The following ACOT7 variants were observed in gnomAD, a reference collection of about 807,000 sequenced individuals.
ACOT7 encodes the protein cytosolic acyl coenzyme A thioester hydrolase.
A neutral mutation model predicts 40.2 loss-of-function variants in ACOT7; 12 were observed. That is an observed-to-expected ratio of 0.30 (90% CI 0.19 to 0.48). The LOEUF (loss-of-function observed/expected upper bound fraction) is 0.48. ACOT7 is among the 20% of genes least tolerant of loss of function. The pLI, the probability that ACOT7 is intolerant of heterozygous loss-of-function variation, is 0.99. For synonymous variants in ACOT7, 228 were observed against 219.5 expected (o/e 1.04, Z -0.34); for missense variants, 395 against 530.8 (o/e 0.74, Z 2.51).
intron 7 of ACOT7, among the ~76,000 whole-genome samples, chr1:6,291,847 C>T (rs1639673609): frequency 6.6e-6 from 1 of 152,202 alleles, no homozygotes; most frequent in Non-Finnish European, 1.5e-5. Flanking sequence ...TCACCCAGAA[C>T]CCAGAGCCAG....
intron 6 of ACOT7, among the ~76,000 whole-genome samples, chr1:6,315,072 G>C (rs902648231): frequency 6.6e-6 from 1 of 152,204 alleles, no homozygotes; most frequent in Non-Finnish European, 1.5e-5. Context: ...TCTGGTGGGA[G>C]CACTGCGTTC....
chr1:6,386,676 T>G (rs1282968563), intron 1 of ACOT7, among the ~76,000 whole-genome samples: 6 of 152,100 alleles, frequency 3.9e-5, no homozygotes. Flanking sequence ...GGCAACAAAG[T>G]GAGATCATGT....
At chr1:6,279,648 A>G (rs1438122626) in intron 8 of ACOT7, among the ~76,000 whole-genome samples, 1 of 152,122 alleles carries the variant, frequency 6.6e-6, no homozygotes. Context: ...GTCCAGGTTC[A>G]CCATCAGCTC....
chr1:6,332,778 G>A (rs914153559), intron 4 of ACOT7, among the ~76,000 whole-genome samples: 2 of 151,610 alleles, frequency 1.3e-5, no homozygotes, highest in African/African-American at 4.8e-5. Flanking sequence ...CCGAGATCGC[G>A]CCACTGCACT....
intron 3 of ACOT7, among the ~76,000 whole-genome samples, 156 bp downstream of exon 3, chr1:6,339,277 G>A (rs1334971917): frequency 6.6e-6 from 1 of 152,244 alleles, no homozygotes; most frequent in East Asian, 1.9e-4. Flanking sequence ...TCAGGGCAAT[G>A]GACATAGCTG....
At chr1:6,284,621 A>G (rs929065891) in intron 7 of ACOT7, among the ~76,000 whole-genome samples, 14 of 150,714 alleles carry the variant, frequency 9.3e-5, no homozygotes, top group African/African-American at 3.4e-4. Flanking sequence ...TTCCAGCTAC[A>G]GGCACTTTGT....
At chr1:6,324,058 C>T (rs1640733335) in intron 5 of ACOT7, among the ~76,000 whole-genome samples, 1 of 152,018 alleles carries the variant, frequency 6.6e-6, no homozygotes, top group Non-Finnish European at 1.5e-5. Flanking sequence ...CACTCTTCTC[C>T]CAGAGCTGCT....
rs765428602 is a variant in ACOT7, at chr1:6,289,391, C to A, written c.829+5473G>T. 6.6e-6 allele frequency among the ~76,000 whole-genome samples: 1 copy of A among 151,714 alleles called. No homozygotes were observed. Among genetic ancestry groups the A allele is most frequent in the South Asian group, 2.1e-4 (1 of 4,818 alleles). On this transcript the variant is annotated intron_variant, in intron 7 of 8. Transcript: ENST00000361521. This position sits in a 1 kb window ranked among gnomAD's most constrained non-coding sequence, Gnocchi z 4.6. ...CTGGGATTACAGGAGTGAGCCACCACGCCCAGCCTGTTTTTGTTTTTTAAA... is the reference window on the plus strand; with the variant it reads ...CTGGGATTACAGGAGTGAGCCACCAAGCCCAGCCTGTTTTTGTTTTTTAAA...
chr1:6,300,488 C>G (rs905237025), intron 6 of ACOT7, among the ~76,000 whole-genome samples: 2 of 151,724 alleles, frequency 1.3e-5, no homozygotes, highest in African/African-American at 2.4e-5. Context: ...GGAATCTCAC[C>G]GGACCCCACC....
At chr1:6,356,393 TCAGCACCCTCAGCCCTGCC>T (rs1406013752) in intron 1 of ACOT7, among the ~76,000 whole-genome samples, 4 of 151,922 alleles carry the variant, frequency 2.6e-5, no homozygotes, top group Admixed American at 2.0e-4. Flanking sequence ...GGCAGCACCC[TCAGCACCCTCAGCCCTGCC>T]CAGCACCCTC....
At chr1:6,372,010 A>C (rs1017941535) in intron 1 of ACOT7, among the ~76,000 whole-genome samples, 1 of 150,820 alleles carries the variant, frequency 6.6e-6, no homozygotes, top group African/African-American at 2.4e-5. Flanking sequence ...GCACCACTGC[A>C]CTCCACCCTG....
chr1:6,273,302 G>T (rs932192915), intron 8 of ACOT7, among the ~76,000 whole-genome samples: 1 of 152,180 alleles, frequency 6.6e-6, no homozygotes, highest in East Asian at 1.9e-4. Flanking sequence ...TCTCATCTGC[G>T]CCAACCTCCT....
rs7538224 is a variant in ACOT7 at position 6,299,556 on chromosome 1, T to C, written c.713-4576A>G. ...CACACACAGAGGGCACAGAGGACAGTCGGCCTCCCCTTACCGGACGCCACA... is the reference window on the plus strand; with the variant it reads ...CACACACAGAGGGCACAGAGGACAGCCGGCCTCCCCTTACCGGACGCCACA... On this transcript the variant is annotated intron_variant, in intron 6 of 8. Transcript: ENST00000361521. This position sits in a 1 kb window ranked among gnomAD's most constrained non-coding sequence, Gnocchi z 4.1. 0.068 allele frequency among the ~76,000 whole-genome samples: 10,286 copies of C among 151,296 alleles called. 398 individuals are homozygous for C. Among genetic ancestry groups the C allele is most frequent in the Non-Finnish European group, 0.089 (6,012 of 67,816 alleles).
chr1:6,354,188 T>C (rs1380260686), intron 1 of ACOT7, among the ~76,000 whole-genome samples: 1 of 151,880 alleles, frequency 6.6e-6, no homozygotes, highest in Non-Finnish European at 1.5e-5. Flanking sequence ...GGAGGTGGCA[T>C]CCAGCTGATG....
rs1639896449 is a variant in ACOT7, at chr1:6,299,185, A to T, written c.713-4205T>A. On this transcript the variant is annotated intron_variant, in intron 6 of 8. Transcript: ENST00000361521. This position sits in a 1 kb window ranked among gnomAD's most constrained non-coding sequence, Gnocchi z 4.1. ...CGTGGGCTCAGTGTCTGTCAGGCAG[A>T]GGAGGTGACGGCGCCCACAGGCAAG... Among the ~76,000 whole-genome samples the T allele has an allele frequency of 6.6e-6, 1 of 152,184 alleles. No homozygotes were observed. Among genetic ancestry groups the T allele is most frequent in the South Asian group, 2.1e-4 (1 of 4,834 alleles).
chr1:6,324,306 C>T (rs1318498204), intron 5 of ACOT7, among the ~76,000 whole-genome samples: 2 of 152,070 alleles, frequency 1.3e-5, no homozygotes, highest in Non-Finnish European at 2.9e-5. Context: ...GTCTCTAATC[C>T]AATCATCTGA....
rs115922114 is a variant in ACOT7, at chr1:6,286,479, T to C, written c.830-5193A>G. Among the ~76,000 whole-genome samples the C allele has an allele frequency of 9.9e-3, 1,502 of 152,254 alleles. 25 individuals are homozygous for C. Among genetic ancestry groups the C allele is most frequent in the African/African-American group, 0.035 (1,438 of 41,552 alleles). ...GAGCAAATACCTGTCAAGGCCAGTC[T>C]CCGGAGGCTACGAAGCCATGCGGGA... On this transcript the variant is annotated intron_variant, in intron 7 of 8. Transcript: ENST00000361521.
chr1:6,267,461 ATGCCTGCC>A (rs112611465), intron 8 of ACOT7, among the ~76,000 whole-genome samples: 6 of 152,030 alleles, frequency 3.9e-5, no homozygotes, highest in South Asian at 4.2e-4. Context: ...AGGTCAGGAG[ATGCCTGCC>A]TGCCTGCCTG....
At position 6,278,665 on chromosome 1, in the gene ACOT7, G is replaced by A. The variant is rs889259289; in HGVS notation, c.1014+2437C>T. Among the ~76,000 whole-genome samples the A allele has an allele frequency of 9.2e-5, 14 of 152,226 alleles. No homozygotes were observed. Among genetic ancestry groups the A allele is most frequent in the African/African-American group, 2.7e-4 (11 of 41,444 alleles). Reference sequence around the variant, plus strand: ...TTGGGAGTCAATACAACACACAGGCGATGCTCGAGGCACAGACCATGGATC... The same window carrying A: ...TTGGGAGTCAATACAACACACAGGCAATGCTCGAGGCACAGACCATGGATC... On this transcript the variant is annotated intron_variant, in intron 8 of 8. Transcript: ENST00000361521. This position sits in a 1 kb window ranked among gnomAD's most constrained non-coding sequence, Gnocchi z 4.1.
Sources: allele counts gnomAD v4.1 joint callset (sites outside exome capture counted in the v4.1 genomes callset), GRCh38; gene constraint gnomAD v4.1.1; non-coding constraint Gnocchi (gnomAD v3.1); transcripts MANE v1.5; gene names NCBI Gene and HGNC (gene_info 2026-07-23, HGNC 2026-07-21).